Variants in SLC9C1 observed in about 807,000 individuals in gnomAD.
SLC9C1 encodes solute carrier family 9 member C1.
Under a neutral mutation model 140.9 loss-of-function variants are expected in SLC9C1, and 97 were observed. That is an observed-to-expected ratio of 0.69 (90% CI 0.58 to 0.82). The LOEUF (loss-of-function observed/expected upper bound fraction) is 0.82, where lower values mean the gene tolerates loss of function less well. SLC9C1 is among the 40% of genes least tolerant of loss of function. SLC9C1 has a pLI of 0.00. For missense variants in SLC9C1, 1,340 were observed against 1,389.3 expected, an observed-to-expected ratio of 0.96 and a Z score of 0.56; for synonymous variants, 440 against 442.6, an observed-to-expected ratio of 0.99 and a Z score of 0.07.
In SLC9C1 at chr3:112,271,393, GTATATATA is replaced by G. The variant is rs57918598; in HGVS notation, c.614-1324_614-1317del. Among the ~76,000 whole-genome samples, 6 of 125,596 alleles carry G rather than the reference GTATATATA, an allele frequency of 4.8e-5. No individual in the cohort carries two copies. In the South Asian group the frequency reaches 8.5e-4, roughly 18 times the overall value. 82.4% of individuals were successfully genotyped at this position (125,596 alleles called of 152,430 possible). A position where few individuals can be genotyped will look rare whatever the true frequency, so the allele number is the denominator to read the frequency against. Reference sequence around the variant, plus strand: ...TAGTTTGATTTAATCATTCTACATTGTATATATATATATATATCAAAGCCTCACATTGT... The same window carrying G: ...TAGTTTGATTTAATCATTCTACATTGTATATATATCAAAGCCTCACATTGT... On this transcript the variant is annotated intron_variant, in intron 6 of 28. Transcript: ENST00000305815.
chr3:112,243,327 G>A (rs1275519611), intron 11 of SLC9C1, among the ~76,000 whole-genome samples: 1 of 152,166 alleles, frequency 6.6e-6, no homozygotes, highest in Non-Finnish European at 1.5e-5. Context: ...TGAATACTAT[G>A]CAGCCATAAA....
intron 12 of SLC9C1, among the ~76,000 whole-genome samples, chr3:112,238,743 G>T (rs1433699627): frequency 6.6e-6 from 1 of 152,160 alleles, no homozygotes; most frequent in East Asian, 1.9e-4. Flanking sequence ...GTTTGCCTGG[G>T]TATCAGCAGC....
At position 112,169,074 on chromosome 3, in the gene SLC9C1, AAC is replaced by A. The variant is rs777488067; in HGVS notation, c.3052-14_3052-13del. On this transcript the variant is annotated splice_polypyrimidine_tract_variant and intron_variant, in intron 24 of 28. Transcript: ENST00000305815. ...TTGTAGTTCCAATCCTGTTTTAGAA[AAC>A]ACAATTTCAGTCTATTATTAGTCTA... 6.3e-7 allele frequency: 1 copy of A among 1,578,508 alleles called. No homozygotes were observed. Among genetic ancestry groups the A allele is most frequent in the Non-Finnish European group, 8.6e-7 (1 of 1,166,120 alleles).
At chr3:112,159,481 A>T (rs2075225505) in intron 26 of SLC9C1, among the ~76,000 whole-genome samples, 1 of 152,144 alleles carries the variant, frequency 6.6e-6, no homozygotes, top group East Asian at 1.9e-4. Context: ...GTGGCTTAAC[A>T]TGTGGCCTAT....
At chr3:112,201,129 T>C (rs1325863230) in intron 18 of SLC9C1, among the ~76,000 whole-genome samples, 1 of 151,996 alleles carries the variant, frequency 6.6e-6, no homozygotes, top group Non-Finnish European at 1.5e-5. Context: ...CAACAGAAAA[T>C]TGTAGCCATA....
chr3:112,250,607 A>AATGTAGAC (rs2079427766), intron 10 of SLC9C1, among the ~76,000 whole-genome samples: 1 of 152,160 alleles, frequency 6.6e-6, no homozygotes, highest in African/African-American at 2.4e-5. Flanking sequence ...CTCAAAAAAG[A>AATGTAGAC]ATGTAGACAT....
chr3:112,200,671 A>G (rs1391391911), intron 19 of SLC9C1, 40 bp downstream of exon 19: 29 of 1,577,460 alleles, frequency 1.8e-5, no homozygotes, highest in African/African-American at 1.4e-5. Context: ...AGTGGTGATG[A>G]TAAGAGATGG....
intron 16 of SLC9C1, among the ~76,000 whole-genome samples, chr3:112,205,629 A>ATCAC (rs1560063679): frequency 1.4e-4 from 7 of 51,562 alleles, no homozygotes; most frequent in Admixed American, 5.6e-4. Context: ...AGCTGGAAAC[A>ATCAC]GCATGGTACT....
intron 15 of SLC9C1, among the ~76,000 whole-genome samples, chr3:112,216,365 T>C (rs1369919927): frequency 6.6e-6 from 1 of 152,074 alleles, no homozygotes; most frequent in Non-Finnish European, 1.5e-5. Flanking sequence ...TGGGATCTAA[T>C]TAAACTAAAG....
At chr3:112,154,970 C>CT (rs888349728) in intron 27 of SLC9C1, 27 bp downstream of exon 27, 3 of 1,601,540 alleles carry the variant, frequency 1.9e-6, no homozygotes, top group Non-Finnish European at 2.6e-6. Context: ...CAAAATACAA[C>CT]TTTTAGAAAG....
chr3:112,285,112 G>C (rs1576529189), intron 2 of SLC9C1, among the ~76,000 whole-genome samples: 1 of 148,146 alleles, frequency 6.8e-6, no homozygotes, highest in African/African-American at 2.5e-5. Context: ...TCAGCCTTCT[G>C]AGTAGCTGGG....
chr3:112,287,776 G>A (rs1189676346), intron 1 of SLC9C1, among the ~76,000 whole-genome samples: 4 of 152,096 alleles, frequency 2.6e-5, no homozygotes, highest in South Asian at 2.1e-4. Context: ...GGCCGGGCAC[G>A]GTGGCTCACG....
At chr3:112,215,920 A>G (rs1036514041) in intron 15 of SLC9C1, among the ~76,000 whole-genome samples, 2 of 152,232 alleles carry the variant, frequency 1.3e-5, no homozygotes, top group South Asian at 4.1e-4. Context: ...CCAAAAGGAC[A>G]AAGCTGGAGG....
rs1231675113 is a variant in SLC9C1 at position 112,208,204 on chromosome 3, G to A, written c.1960C>T (p.Leu654Phe). 6.2e-7 allele frequency: 1 copy of A among 1,609,496 alleles called. No homozygotes were observed. Among genetic ancestry groups the A allele is most frequent in the Non-Finnish European group, 8.5e-7 (1 of 1,178,238 alleles). Residue 654 changes from leucine to phenylalanine, a missense_variant, in exon 16 of 29, where the codon CTT (leucine) becomes TTT (phenylalanine). By Grantham distance (22) the Leu-to-Phe change is conservative. Transcript: ENST00000305815. ...LKHTNYCFLT[L>F]YILEALLKIA... The stretch of plus-strand genomic sequence containing the variant: ...TTAAGTAGTGCCTCTAGAATATAAA[G>A]TGTAAGAAAACAGTAGTTAGTGTGT...
At chr3:112,224,397 C>CA (rs58631526) in intron 13 of SLC9C1, among the ~76,000 whole-genome samples, 73 of 151,580 alleles carry the variant, frequency 4.8e-4, no homozygotes, top group African/African-American at 1.6e-3. Context: ...TGCAAGGATA[C>CA]AAAAAAAACA....
chr3:112,283,395 A>T (rs1222468163), intron 2 of SLC9C1, among the ~76,000 whole-genome samples: 1 of 151,478 alleles, frequency 6.6e-6, no homozygotes, highest in Non-Finnish European at 1.5e-5. Context: ...AGGTGGGAGG[A>T]TCACTTGCAC....
intron 12 of SLC9C1, among the ~76,000 whole-genome samples, chr3:112,234,817 G>C (rs1394407308): frequency 6.6e-6 from 1 of 152,094 alleles, no homozygotes; most frequent in East Asian, 1.9e-4. Context: ...TGAGGACTCT[G>C]TTCTGTTCCA....
intron 20 of SLC9C1, among the ~76,000 whole-genome samples, chr3:112,188,237 T>G (rs2077576992): frequency 6.6e-6 from 1 of 152,114 alleles, no homozygotes; most frequent in African/African-American, 2.4e-5. Context: ...AAGTTTTAAT[T>G]TTTTTATTAT....
chr3:112,220,780 G>T (rs2078519243), intron 14 of SLC9C1, among the ~76,000 whole-genome samples: 1 of 152,186 alleles, frequency 6.6e-6, no homozygotes, highest in African/African-American at 2.4e-5. Context: ...ATTAAGGAAG[G>T]CTTCACCCTT....
Sources: allele counts gnomAD v4.1 joint callset (sites outside exome capture counted in the v4.1 genomes callset), GRCh38; gene constraint gnomAD v4.1.1; transcripts MANE v1.5; gene names NCBI Gene and HGNC (gene_info 2026-07-23, HGNC 2026-07-21).